ELAPOR2: variants seen among roughly 807,000 people sequenced by gnomAD.
ELAPOR2 encodes the protein endosome-lysosome associated apoptosis and autophagy regulator family member 2.
Under a neutral mutation model 120.7 loss-of-function variants are expected in ELAPOR2, and 89 were observed. The observed-to-expected ratio is 0.74, with a 90% CI of 0.62 to 0.88. The LOEUF (loss-of-function observed/expected upper bound fraction) is 0.88, where lower values mean the gene tolerates loss of function less well. Ranked by LOEUF, ELAPOR2 falls within the 40% of genes least tolerant of loss-of-function variation. The pLI is 0.00. For missense variants in ELAPOR2, 1,134 were observed against 1,251.6 expected, an observed-to-expected ratio of 0.91 and a Z score of 1.42; for synonymous variants, 444 against 444.9, an observed-to-expected ratio of 1.00 and a Z score of 0.03.
At chr7:87,059,086 GC>G (rs1002105964) in intron 1 of ELAPOR2, among the ~76,000 whole-genome samples, 83 of 151,932 alleles carry the variant, frequency 5.5e-4, no homozygotes, top group African/African-American at 1.9e-3. Context: ...GTCCTGCAGA[GC>G]CCCCAAAAGA....
chr7:86,903,322 C>CATCT (rs1264187947), intron 18 of ELAPOR2, among the ~76,000 whole-genome samples: 2 of 152,116 alleles, frequency 1.3e-5, no homozygotes, highest in Non-Finnish European at 2.9e-5. Flanking sequence ...GCTCATAATG[C>CATCT]ATCTATATGC....
intron 10 of ELAPOR2, among the ~76,000 whole-genome samples, 177 bp downstream of exon 10, chr7:86,925,350 AC>A (rs1287763218): frequency 6.6e-6 from 1 of 151,992 alleles, no homozygotes; most frequent in African/African-American, 2.4e-5. Flanking sequence ...TATGAATGTC[AC>A]CTGGCTGTGA....
In ELAPOR2 at chr7:87,035,087, C is replaced by CA. The variant is rs1167618353; in HGVS notation, c.189+24237dup. On this transcript the variant is annotated intron_variant, in intron 1 of 21. Transcript: ENST00000450689. ...GACAAAAAAGAGTGAAACTCCGTCT[C>CA]AAAAAAAAAAAAAAAAAATTGTGTG... Among the ~76,000 whole-genome samples the CA allele has an allele frequency of 8.0e-3, 666 of 83,208 alleles. 3 individuals carry two copies. The highest frequency in any genetic ancestry group is 9.3e-3 in the East Asian group (28 of 3,000). 54.6% of individuals were successfully genotyped at this position (83,208 alleles called of 152,430 possible). A position where few individuals can be genotyped will look rare whatever the true frequency, so the allele number is the denominator to read the frequency against.
chr7:86,944,614 CA>C (rs1481624169), intron 4 of ELAPOR2, among the ~76,000 whole-genome samples: 3 of 151,814 alleles, frequency 2.0e-5, no homozygotes, highest in Non-Finnish European at 4.4e-5. Flanking sequence ...ATTTGTCACA[CA>C]AAAAGTCTAA....
intron 2 of ELAPOR2, among the ~76,000 whole-genome samples, chr7:86,963,854 C>T (rs1999947): frequency 0.077 from 11,708 of 152,214 alleles, 554 homozygotes; most frequent in African/African-American, 0.11. Context: ...AAGACTGTTG[C>T]TACACTGAAG....
intron 1 of ELAPOR2, among the ~76,000 whole-genome samples, chr7:87,050,969 G>A (rs1439320198): frequency 6.6e-6 from 1 of 152,182 alleles, no homozygotes; most frequent in Non-Finnish European, 1.5e-5. Flanking sequence ...GAGTAGGTTT[G>A]GGGAAAATGT....
chr7:87,030,339 C>G (rs762651360), intron 1 of ELAPOR2, among the ~76,000 whole-genome samples: 4 of 151,876 alleles, frequency 2.6e-5, no homozygotes, highest in Non-Finnish European at 5.9e-5. Flanking sequence ...CATAAGCGTC[C>G]TCAAAACTTG....
At chr7:87,022,312 G>A (rs969601303) in intron 1 of ELAPOR2, among the ~76,000 whole-genome samples, 8 of 142,450 alleles carry the variant, frequency 5.6e-5, no homozygotes, top group South Asian at 2.2e-4. Context: ...TCCCACCTAC[G>A]AGTGAGAACA....
chr7:86,909,189 T>C (rs774107006), intron 16 of ELAPOR2, among the ~76,000 whole-genome samples: 2 of 152,060 alleles, frequency 1.3e-5, no homozygotes, highest in African/African-American at 2.4e-5. Context: ...GAGTCTATAC[T>C]ATAAGCAATG....
intron 11 of ELAPOR2, among the ~76,000 whole-genome samples, chr7:86,918,821 G>A (rs759447708): frequency 3.8e-4 from 58 of 151,904 alleles, no homozygotes; most frequent in Admixed American, 2.0e-4. Context: ...ATTTCAACAC[G>A]GGGAACTAAA....
chr7:87,003,463 A>G (rs2116638800), intron 1 of ELAPOR2, among the ~76,000 whole-genome samples: 1 of 152,242 alleles, frequency 6.6e-6, no homozygotes, highest in African/African-American at 2.4e-5. Flanking sequence ...AGTTCTCACA[A>G]GATCTGGTTA....
intron 1 of ELAPOR2, among the ~76,000 whole-genome samples, chr7:87,031,857 C>A (rs1293347733): frequency 2.0e-5 from 3 of 152,072 alleles, no homozygotes; most frequent in African/African-American, 7.2e-5. Flanking sequence ...CAGAAAGGAA[C>A]AAACTTGATA....
At position 86,880,215 on chromosome 7, in the gene ELAPOR2, A is replaced by G. The variant is rs781725123; in HGVS notation, c.*256T>C. 1.9e-6 allele frequency: 1 copy of G among 519,824 alleles called. No individual in the cohort carries two copies. Among genetic ancestry groups the G allele is most frequent in the Non-Finnish European group, 3.4e-6 (1 of 292,920 alleles). The allele number at this position is 519,824 out of a possible 1,614,324, so 32.2% of individuals were successfully genotyped here. The stretch of plus-strand genomic sequence containing the variant: ...AAACTTGGTTTTCAGTTATGTGTAT[A>G]TACAGATAAATCTCTTCCTGAGTTG... On this transcript the variant is annotated 3_prime_UTR_variant, in exon 22 of 22. Coordinates refer to ENST00000450689, the MANE Select transcript of ELAPOR2 (RefSeq NM_001142749.3).
At chr7:87,015,133 A>G (rs1793826372) in intron 1 of ELAPOR2, among the ~76,000 whole-genome samples, 2 of 152,356 alleles carry the variant, frequency 1.3e-5, no homozygotes, top group East Asian at 3.9e-4. Flanking sequence ...ATAACCATTT[A>G]GAATATTACA....
intron 1 of ELAPOR2, among the ~76,000 whole-genome samples, chr7:87,043,863 A>G (rs1276588376): frequency 6.6e-6 from 1 of 151,792 alleles, no homozygotes; most frequent in East Asian, 1.9e-4. Context: ...AGAAAACCCC[A>G]TTGTCTCAGC....
intron 1 of ELAPOR2, among the ~76,000 whole-genome samples, chr7:87,019,950 C>A (rs778897309): frequency 2.6e-5 from 4 of 152,052 alleles, no homozygotes; most frequent in Admixed American, 6.6e-5. Flanking sequence ...TTTAGTTTTT[C>A]ATTAAAAATT....
At chr7:86,963,763 C>T (rs1234441249) in intron 2 of ELAPOR2, among the ~76,000 whole-genome samples, 1 of 152,210 alleles carries the variant, frequency 6.6e-6, no homozygotes, top group Non-Finnish European at 1.5e-5. Flanking sequence ...GAGAGCTCAT[C>T]TGCCCTCTGC....
chr7:86,944,836 G>T, intron 4 of ELAPOR2, 63 bp downstream of exon 4: 1 of 1,368,004 alleles, frequency 7.3e-7, no homozygotes, highest in South Asian at 1.5e-5. Flanking sequence ...GGGAACAACT[G>T]ACTAAGGGAA....
intron 1 of ELAPOR2, among the ~76,000 whole-genome samples, chr7:87,006,925 A>G (rs1036699813): frequency 1.2e-4 from 18 of 152,212 alleles, no homozygotes; most frequent in Non-Finnish European, 1.5e-5. Flanking sequence ...CTCAAAAAAC[A>G]TGATGTTGAG....
Sources: gnomAD v4.1 joint callset for allele counts (sites outside exome capture counted in the v4.1 genomes callset) on GRCh38, gnomAD v4.1.1 for gene constraint, MANE v1.5 for transcripts, NCBI Gene and HGNC (gene_info 2026-07-23, HGNC 2026-07-21) for gene names.